COL25A1: variants seen among roughly 807,000 people sequenced by gnomAD.
COL25A1 encodes the protein collagen type XXV alpha 1 chain, also known as collagen alpha-1(XXV) chain.
In COL25A1, 103 loss-of-function variants were observed where a neutral mutation model predicts 128.4. That is an observed-to-expected ratio of 0.80 (90% CI 0.68 to 0.94). The LOEUF (loss-of-function observed/expected upper bound fraction) is 0.94. Ranked by LOEUF, COL25A1 falls within the 40% of genes least tolerant of loss-of-function variation. COL25A1 has a pLI of 0.00. For synonymous variants in COL25A1, 279 were observed against 277.2 expected, an observed-to-expected ratio of 1.01 and a Z score of -0.06; for missense variants, 745 against 840.0, an observed-to-expected ratio of 0.89 and a Z score of 1.40.
intron 8 of COL25A1, among the ~76,000 whole-genome samples, chr4:108,952,549 T>G (rs1172266857): frequency 6.6e-6 from 1 of 152,160 alleles, no homozygotes; most frequent in East Asian, 1.9e-4. Flanking sequence ...AGTTTTTAAT[T>G]GTCAAAAAGT....
chr4:108,982,791 G>A (rs1361960619), intron 6 of COL25A1, among the ~76,000 whole-genome samples: 1 of 152,108 alleles, frequency 6.6e-6, no homozygotes, highest in Non-Finnish European at 1.5e-5. Flanking sequence ...ATTATTTTCT[G>A]GGCATTTTCC....
intron 5 of COL25A1, among the ~76,000 whole-genome samples, chr4:109,046,025 C>A (rs1310892726): frequency 6.6e-6 from 1 of 152,090 alleles, no homozygotes; most frequent in Non-Finnish European, 1.5e-5. Flanking sequence ...AACTATAATT[C>A]ATAAGGAATG....
rs182692753 is a variant in COL25A1 at position 109,010,533 on chromosome 4, T to A, written c.421-158A>T. Among the ~76,000 whole-genome samples, 124 of 152,372 alleles carry A rather than the reference T, an allele frequency of 8.1e-4. 1 individual carries two copies. The highest frequency in any genetic ancestry group is 2.8e-3 in the African/African-American group (115 of 41,588). On this transcript the variant is annotated intron_variant, in intron 5 of 37. Transcript: ENST00000399132. ...TTTCACTTGTGGCTTTAAAAAATCA[T>A]ATCACATCCTGCTAGTTTTACTTTA...
chr4:108,843,132 G>A (rs1734644740), intron 30 of COL25A1, among the ~76,000 whole-genome samples: 1 of 110,822 alleles, frequency 9.0e-6, no homozygotes, highest in African/African-American at 3.6e-5. Context: ...CTGGGTGACA[G>A]AGTGAGACCC....
chr4:108,897,430 T>C (rs1742271759), intron 15 of COL25A1, among the ~76,000 whole-genome samples: 1 of 152,252 alleles, frequency 6.6e-6, no homozygotes, highest in South Asian at 2.1e-4. Context: ...CCTTAAATTC[T>C]GAATTCTTCA....
intron 3 of COL25A1, among the ~76,000 whole-genome samples, chr4:109,076,448 C>T (rs1763383590): frequency 6.6e-6 from 1 of 152,008 alleles, no homozygotes; most frequent in Admixed American, 6.6e-5. Context: ...CCCTGGTGTT[C>T]TGCTGATTCC....
At chr4:108,822,974 G>A (rs889381612) in intron 35 of COL25A1, among the ~76,000 whole-genome samples, 1 of 152,150 alleles carries the variant, frequency 6.6e-6, no homozygotes, top group Admixed American at 6.5e-5. Context: ...TGATACTGGT[G>A]ATGATGATGG....
chr4:109,239,357 CTATTA>C (rs1223389989), intron 3 of COL25A1, among the ~76,000 whole-genome samples: 13 of 139,032 alleles, frequency 9.4e-5, no homozygotes, highest in Non-Finnish European at 1.8e-4. Flanking sequence ...TAATGTAGCT[CTATTA>C]TATATGTGTG....
intron 3 of COL25A1, among the ~76,000 whole-genome samples, chr4:109,053,264 G>C (rs1431879765): frequency 6.6e-6 from 1 of 152,160 alleles, no homozygotes; most frequent in Non-Finnish European, 1.5e-5. Flanking sequence ...GTCAGCCTGA[G>C]ATAGAATTAG....
intron 19 of COL25A1, 76 bp downstream of exon 19, chr4:108,884,102 T>C: frequency 1.4e-6 from 2 of 1,408,694 alleles, no homozygotes; most frequent in East Asian, 2.3e-5. Flanking sequence ...TTTCCATTTT[T>C]CCCTATTTTC....
intron 3 of COL25A1, among the ~76,000 whole-genome samples, chr4:109,231,000 G>A (rs1779128843): frequency 1.3e-5 from 2 of 152,026 alleles, no homozygotes; most frequent in African/African-American, 4.8e-5. Context: ...TTAGCCAGGC[G>A]TGGTGGCGCA....
chr4:109,206,984 T>C (rs1777055767), intron 3 of COL25A1, among the ~76,000 whole-genome samples: 1 of 152,182 alleles, frequency 6.6e-6, no homozygotes, highest in African/African-American at 2.4e-5. Flanking sequence ...GCTTTAGGTA[T>C]ATAGCTTCAG....
rs927637799 is a variant in COL25A1 at position 108,810,375 on chromosome 4, T to G, written c.*3552A>C. ...TATAAACTAGTTGATGTGTAAGTTC[T>G]TGCTGTCCCATCAGAACATCGTATG... On this transcript the variant is annotated 3_prime_UTR_variant, in exon 38 of 38. Transcript: ENST00000399132. 6.6e-6 allele frequency: 1 copy of G among 151,970 alleles called. No individual in the cohort carries two copies. The highest frequency in any genetic ancestry group is 1.5e-5 in the Non-Finnish European group (1 of 67,840). 9.4% of individuals were successfully genotyped at this position (151,970 alleles called of 1,614,324 possible). A position where few individuals can be genotyped will look rare whatever the true frequency, so the allele number is the denominator to read the frequency against.
At chr4:108,942,301 A>T (rs1264481571) in intron 8 of COL25A1, 2 of 1,543,140 alleles carry the variant, frequency 1.3e-6, no homozygotes, top group African/African-American at 2.7e-5. Context: ...AAACAACACG[A>T]CATAAAACGT....
At chr4:109,083,692 G>A (rs1764089938) in intron 3 of COL25A1, among the ~76,000 whole-genome samples, 1 of 151,698 alleles carries the variant, frequency 6.6e-6, no homozygotes, top group Non-Finnish European at 1.5e-5. Context: ...TCGAACTCCT[G>A]ACCTTAGGTA....
rs147761763 is a variant in COL25A1, at chr4:108,996,428, T to A, written c.438+13930A>T. ...ATGCAACATGAAGAGCTAACTATCC[T>A]AAACATATATGCACCCAATAGAGGA... is the stretch of plus-strand genomic sequence containing the variant. On this transcript the variant is annotated intron_variant, in intron 6 of 37. Coordinates refer to ENST00000399132, the MANE Select transcript of COL25A1 (RefSeq NM_198721.4). 9.6e-3 allele frequency among the ~76,000 whole-genome samples: 1,467 copies of A among 152,126 alleles called. 31 individuals carry two copies. The highest frequency in any genetic ancestry group is 0.033 in the African/African-American group (1,387 of 41,456).
intron 6 of COL25A1, among the ~76,000 whole-genome samples, chr4:108,987,746 A>T (rs6811251): frequency 0.79 from 120,510 of 152,084 alleles, 48,995 homozygotes; most frequent in East Asian, 1. Flanking sequence ...AAAACAAAAA[A>T]AAACCATAGA....
chr4:109,204,896 C>A (rs1776855558), intron 3 of COL25A1, among the ~76,000 whole-genome samples: 1 of 152,152 alleles, frequency 6.6e-6, no homozygotes, highest in Non-Finnish European at 1.5e-5. Context: ...AACGGCAGTT[C>A]TGATTCTACC....
At chr4:109,245,713 T>A (rs372928317) in intron 3 of COL25A1, among the ~76,000 whole-genome samples, 394 of 152,110 alleles carry the variant, frequency 2.6e-3, no homozygotes, top group Non-Finnish European at 4.9e-3. Flanking sequence ...CAGCACAACG[T>A]AAGGATTAAA....
Sources: gnomAD v4.1 joint callset for allele counts (sites outside exome capture counted in the v4.1 genomes callset) on GRCh38, gnomAD v4.1.1 for gene constraint, MANE v1.5 for transcripts, NCBI Gene and HGNC (gene_info 2026-07-23, HGNC 2026-07-21) for gene names.